RIN2: variants seen among roughly 807,000 people sequenced by gnomAD.
RIN2 encodes RAB5 interacting protein 2.
Under a neutral mutation model 78.0 loss-of-function variants are expected in RIN2, and 36 were observed. The ratio of observed to expected loss-of-function variants is 0.46; its 90% CI spans 0.35 to 0.61. RIN2 has a LOEUF of 0.61. RIN2 is among the 20% of genes least tolerant of loss of function. The pLI is 0.00. For synonymous variants in RIN2, 466 were observed against 466.8 expected, an observed-to-expected ratio of 1.00 and a Z score of 0.02; for missense variants, 1,087 against 1,159.7, an observed-to-expected ratio of 0.94 and a Z score of 0.91.
At chr20:19,981,811 G>A (rs953553548) in intron 9 of RIN2, among the ~76,000 whole-genome samples, 1 of 152,182 alleles carries the variant, frequency 6.6e-6, no homozygotes, top group African/African-American at 2.4e-5. Flanking sequence ...ATGAGCCAAA[G>A]TGTGCATGGC....
At position 19,844,595 on chromosome 20, in the gene RIN2, T is replaced by TGC. The variant is rs1377675880; in HGVS notation, c.-37+44848_-37+44849insGC. On this transcript the variant is annotated intron_variant, in intron 2 of 12. Transcript: ENST00000255006. Reference sequence around the variant, plus strand: ...AGAGAGCTGCTGCTGCTGCTGCTGCTTCTTCCTCTTCTTCTTCTTCTTCTT... The same window carrying TGC: ...AGAGAGCTGCTGCTGCTGCTGCTGCTGCTCTTCCTCTTCTTCTTCTTCTTCTT... 4.1e-3 allele frequency among the ~76,000 whole-genome samples: 238 copies of TGC among 58,406 alleles called. 4 individuals carry two copies. Among genetic ancestry groups the TGC allele is most frequent in the African/African-American group, 0.012 (202 of 16,642 alleles). The allele number at this position is 58,406 out of a possible 152,430, so 38.3% of individuals were successfully genotyped here. A position where few individuals can be genotyped will look rare whatever the true frequency, so the allele number is the denominator to read the frequency against.
rs79055255 is a variant in RIN2 at position 19,822,415 on chromosome 20, T to C, written c.-37+22668T>C. Among the ~76,000 whole-genome samples, 257 of 152,310 alleles carry C rather than the reference T, an allele frequency of 1.7e-3. 9 individuals carry two copies. The East Asian group carries it at 0.045, about 27-fold the overall frequency. On this transcript the variant is annotated intron_variant, in intron 2 of 12. Coordinates refer to ENST00000255006, the MANE Select transcript of RIN2 (RefSeq NM_018993.4). ...TCGACAGAATAGATGGAAGAGCCCATTATCTGTATGAAGAGACTCAGGAAG... is the reference window on the plus strand; with the variant it reads ...TCGACAGAATAGATGGAAGAGCCCACTATCTGTATGAAGAGACTCAGGAAG...
chr20:20,001,198 C>A lies in RIN2; in HGVS notation c.*262C>A, dbSNP rs1028486652. On this transcript the variant is annotated 3_prime_UTR_variant, in exon 13 of 13. Coordinates refer to ENST00000255006, the MANE Select transcript of RIN2 (RefSeq NM_018993.4). ...TGTCCTGAGATTGTTTGCTACCTACCCCCAGTCAGGTTCTAGGTTGGCTTA... is the reference window on the plus strand; with the variant it reads ...TGTCCTGAGATTGTTTGCTACCTACACCCAGTCAGGTTCTAGGTTGGCTTA... The A allele has an allele frequency of 6.5e-6, 3 of 461,308 alleles. No homozygotes were observed. The highest frequency in any genetic ancestry group is 7.8e-6 in the Non-Finnish European group (2 of 255,704). The allele number at this position is 461,308 out of a possible 1,614,324, so 28.6% of individuals were successfully genotyped here. A position where few individuals can be genotyped will look rare whatever the true frequency, so the allele number is the denominator to read the frequency against.
intron 5 of RIN2, among the ~76,000 whole-genome samples, chr20:19,958,642 G>A (rs1057181741): frequency 6.6e-6 from 1 of 152,240 alleles, no homozygotes; most frequent in Non-Finnish European, 1.5e-5. Flanking sequence ...GCCAAGGCGA[G>A]CAGATCACTT....
intron 3 of RIN2, among the ~76,000 whole-genome samples, chr20:19,910,123 C>T (rs2039396482): frequency 6.6e-6 from 1 of 152,070 alleles, no homozygotes; most frequent in African/African-American, 2.4e-5. Flanking sequence ...TTCCTTGCAA[C>T]CTGGTTTTTA....
intron 4 of RIN2, chr20:19,935,755 C>T (rs59359872): frequency 0.011 from 3,922 of 341,210 alleles, 159 homozygotes; most frequent in African/African-American, 0.083. Context: ...ATACTGCACA[C>T]CGTCTGAATA....
At chr20:19,814,259 C>A (rs1310308961) in intron 2 of RIN2, among the ~76,000 whole-genome samples, 2 of 152,148 alleles carry the variant, frequency 1.3e-5, no homozygotes, top group African/African-American at 4.8e-5. Flanking sequence ...AAAAATAAAT[C>A]ATGTTAAGTA....
intron 4 of RIN2, among the ~76,000 whole-genome samples, chr20:19,947,731 G>C (rs746299434): frequency 6.6e-6 from 1 of 152,214 alleles, no homozygotes; most frequent in Non-Finnish European, 1.5e-5. Context: ...AGGATTTTTC[G>C]TAAAGACTGT....
At chr20:19,794,432 G>A (rs6106132) in intron 1 of RIN2, among the ~76,000 whole-genome samples, 6,763 of 151,376 alleles carry the variant, frequency 0.045, 198 homozygotes, top group Middle Eastern at 0.095. Context: ...GGCGGGAGGC[G>A]GAGGCAGGAG....
intron 2 of RIN2, among the ~76,000 whole-genome samples, chr20:19,833,582 T>C (rs1290744621): frequency 2.6e-5 from 4 of 152,244 alleles, no homozygotes; most frequent in Non-Finnish European, 5.9e-5. Flanking sequence ...GCCAAGAATA[T>C]TTTGCTCTCA....
chr20:19,821,500 A>G (rs866948749), intron 2 of RIN2, among the ~76,000 whole-genome samples: 4 of 151,976 alleles, frequency 2.6e-5, no homozygotes, highest in African/African-American at 7.3e-5. Context: ...TCAAACCTCA[A>G]TTTGTCTCTA....
chr20:19,965,384 A>G (rs531028238), intron 7 of RIN2, among the ~76,000 whole-genome samples: 4 of 152,258 alleles, frequency 2.6e-5, no homozygotes, highest in South Asian at 2.1e-4. Context: ...ATACATGCGC[A>G]CACACACCTA....
chr20:19,996,347 A>C (rs1473989936), intron 11 of RIN2, among the ~76,000 whole-genome samples: 2 of 152,084 alleles, frequency 1.3e-5, no homozygotes, highest in Non-Finnish European at 2.9e-5. Context: ...AACAAACAAA[A>C]AAAACACTTT....
chr20:19,878,951 C>T (rs1449601837), intron 2 of RIN2, among the ~76,000 whole-genome samples: 1 of 152,128 alleles, frequency 6.6e-6, no homozygotes, highest in Non-Finnish European at 1.5e-5. Flanking sequence ...CCTGTCTGGC[C>T]CCACTGCCAG....
chr20:19,836,692 G>C (rs1024530646), intron 2 of RIN2, among the ~76,000 whole-genome samples: 2 of 151,992 alleles, frequency 1.3e-5, no homozygotes, highest in African/African-American at 4.8e-5. Flanking sequence ...ATTGAATTAT[G>C]TAATTCTCAT....
intron 3 of RIN2, among the ~76,000 whole-genome samples, chr20:19,906,215 T>C (rs2039213314): frequency 6.6e-6 from 1 of 152,106 alleles, no homozygotes; most frequent in Non-Finnish European, 1.5e-5. Flanking sequence ...TTTGGGAGGC[T>C]GAAGTGGGAG....
chr20:19,905,352 G>C lies in RIN2; in HGVS notation c.57+15694G>C, dbSNP rs889305078. On this transcript the variant is annotated intron_variant, in intron 3 of 12. Transcript: ENST00000255006. ...TGTGGAGTGGACAAGAGAGGGGCAG[G>C]AGAGGGAGTGAGAGAACCTCTGAGG... Among the ~76,000 whole-genome samples, 10 of 152,302 alleles carry C rather than the reference G, an allele frequency of 6.6e-5. No individual in the cohort carries two copies. The South Asian group carries it at 2.1e-3, about 32-fold the overall frequency.
At chr20:19,972,492 G>C (rs2042139496) in intron 8 of RIN2, among the ~76,000 whole-genome samples, 1 of 152,184 alleles carries the variant, frequency 6.6e-6, no homozygotes, top group African/African-American at 2.4e-5. Flanking sequence ...TTCGACTTGT[G>C]ATTCTCGATG....
At chr20:19,986,265 G>A (rs747623505) in intron 9 of RIN2, among the ~76,000 whole-genome samples, 3 of 151,824 alleles carry the variant, frequency 2.0e-5, no homozygotes, top group East Asian at 1.9e-4. Flanking sequence ...CAGCTGGATC[G>A]TGGGTCCCTC....
Sources: gnomAD v4.1 joint callset for allele counts (sites outside exome capture counted in the v4.1 genomes callset) on GRCh38, gnomAD v4.1.1 for gene constraint, MANE v1.5 for transcripts, NCBI Gene and HGNC (gene_info 2026-07-23, HGNC 2026-07-21) for gene names.